BARD1: variants seen among roughly 807,000 people sequenced by gnomAD.
BARD1 encodes BRCA1-associated RING domain protein 1.
Under a neutral mutation model 77.0 loss-of-function variants are expected in BARD1, and 73 were observed. The ratio of observed to expected loss-of-function variants is 0.95; its 90% CI spans 0.79 to 1.15. The LOEUF (loss-of-function observed/expected upper bound fraction) is 1.15. Among genes scored for constraint, BARD1 ranks in the 50% most tolerant of loss-of-function variants. The pLI, the probability that BARD1 is intolerant of heterozygous loss-of-function variation, is 0.00. For synonymous variants in BARD1, 384 were observed against 338.0 expected (o/e 1.14, Z -1.49); for missense variants, 993 against 938.8 (o/e 1.06, Z -0.75).
intron 5 of BARD1, among the ~76,000 whole-genome samples, chr2:214,768,158 C>A (rs1329655340): frequency 6.6e-6 from 1 of 152,138 alleles, no homozygotes; most frequent in East Asian, 1.9e-4. Context: ...AGTAGGAATA[C>A]AAAAAGAGCT....
chr2:214,751,144 TATATA>T (rs1559393254), intron 7 of BARD1, among the ~76,000 whole-genome samples: 73 of 45,184 alleles, frequency 1.6e-3, no homozygotes, highest in South Asian at 3.7e-3. Flanking sequence ...TATATATATA[TATATA>T]TATTTTTTTT....
chr2:214,799,027 G>GA (rs1370551991), intron 1 of BARD1, among the ~76,000 whole-genome samples: 1 of 152,182 alleles, frequency 6.6e-6, no homozygotes, highest in Non-Finnish European at 1.5e-5. Context: ...TGAGGCACAA[G>GA]AATCACTTGA....
intron 1 of BARD1, among the ~76,000 whole-genome samples, chr2:214,807,808 T>C (rs1399458217): frequency 6.6e-6 from 1 of 152,234 alleles, no homozygotes; most frequent in Non-Finnish European, 1.5e-5. Context: ...CTGACCACAG[T>C]CTAAGTGAAG....
intron 6 of BARD1, among the ~76,000 whole-genome samples, chr2:214,758,313 A>C (rs188753887): frequency 2.3e-4 from 35 of 152,342 alleles, no homozygotes; most frequent in Admixed American, 2.3e-3. Context: ...TTGTTGCCAG[A>C]ATCAAATGAA....
chr2:214,752,735 T>C lies in BARD1; in HGVS notation c.1569-180A>G, dbSNP rs529706942. On this transcript the variant is annotated intron_variant, in intron 6 of 10. Coordinates refer to ENST00000260947, the MANE Select transcript of BARD1 (RefSeq NM_000465.4). ...AGGAGAAATGATGTAAAATTTCAGT[T>C]TGACATCAGATTATAGGGATTGTTT... is the stretch of plus-strand genomic sequence containing the variant. Among the ~76,000 whole-genome samples the C allele has an allele frequency of 1.4e-4, 22 of 152,306 alleles. 2 individuals are homozygous for C. The South Asian group carries it at 3.1e-3, about 22-fold the overall frequency.
At chr2:214,733,417 T>G (rs1692441673) in intron 9 of BARD1, among the ~76,000 whole-genome samples, 1 of 149,856 alleles carries the variant, frequency 6.7e-6, no homozygotes. Flanking sequence ...AATAATTTTG[T>G]GCATAAAGTT....
Position 214,768,881 on chromosome 2 carries a change from C to T in BARD1, c.1395+351G>A, listed in dbSNP as rs1574791897. Among the ~76,000 whole-genome samples, 3 of 152,314 alleles carry T rather than the reference C, an allele frequency of 2.0e-5. No individual in the cohort carries two copies. In the East Asian group the frequency reaches 5.8e-4, roughly 29 times the overall value. ...GTGATCACTTTCCTATACTCAGTTC[C>T]TCCGACCTCTTTTTGTTCCAAGAAA... On this transcript the variant is annotated intron_variant, in intron 5 of 10. Transcript: ENST00000260947.
chr2:214,769,964 A>G (rs1053680670), intron 4 of BARD1, among the ~76,000 whole-genome samples: 1 of 152,222 alleles, frequency 6.6e-6, no homozygotes, highest in Admixed American at 6.5e-5. Context: ...GCATTTGTAA[A>G]TGGCTTCTGA....
At chr2:214,803,242 T>G (rs1007975241) in intron 1 of BARD1, among the ~76,000 whole-genome samples, 5 of 151,940 alleles carry the variant, frequency 3.3e-5, no homozygotes, top group African/African-American at 9.7e-5. Flanking sequence ...CCCCATGTGA[T>G]AGTCTGAAAT....
chr2:214,775,944 C>T (rs767426341), intron 4 of BARD1, among the ~76,000 whole-genome samples: 9 of 152,218 alleles, frequency 5.9e-5, no homozygotes. Context: ...CACAATATAA[C>T]ATGACTGTCT....
intron 4 of BARD1, among the ~76,000 whole-genome samples, chr2:214,778,884 T>C (rs1180448127): frequency 6.6e-6 from 1 of 152,186 alleles, no homozygotes; most frequent in East Asian, 1.9e-4. Context: ...TATAAGTAAA[T>C]GCTTGCCTGA....
At position 214,728,735 on chromosome 2, in the gene BARD1, G is replaced by T; in HGVS notation, c.2275C>A (p.Pro759Thr). The change falls in exon 11 of 11, where the codon CCT becomes ACT. Residue 759 changes from proline (P) to threonine (T), a missense_variant. Coordinates refer to ENST00000260947, the MANE Select transcript of BARD1 (RefSeq NM_000465.4). ...RVRQGKVWKA[P>T]SSWFIDCVMS... is the part of the protein sequence containing the mutation. ...ACACAGTCTATAAACCAGCTCGAAGGAGCCTTCCAGACTTTGCCCTGCCGA... is the reference window on the plus strand; with the variant it reads ...ACACAGTCTATAAACCAGCTCGAAGTAGCCTTCCAGACTTTGCCCTGCCGA... 6.2e-7 allele frequency: 1 copy of T among 1,614,164 alleles called. No homozygotes were observed. Among genetic ancestry groups the T allele is most frequent in the Non-Finnish European group, 8.5e-7 (1 of 1,180,022 alleles).
At chr2:214,740,606 A>G (rs1343584687) in intron 9 of BARD1, among the ~76,000 whole-genome samples, 1 of 152,028 alleles carries the variant, frequency 6.6e-6, no homozygotes, top group African/African-American at 2.4e-5. Flanking sequence ...TCTATTTTTC[A>G]TAATCTTTTA....
At chr2:214,788,910 C>CTT (rs1195493152) in intron 3 of BARD1, among the ~76,000 whole-genome samples, 1 of 151,904 alleles carries the variant, frequency 6.6e-6, no homozygotes, top group Non-Finnish European at 1.5e-5. Context: ...AATAGACAAA[C>CTT]TATAAAGAAA....
chr2:214,738,714 T>C (rs1415655852), intron 9 of BARD1, among the ~76,000 whole-genome samples: 1 of 152,024 alleles, frequency 6.6e-6, no homozygotes, highest in Non-Finnish European at 1.5e-5. Flanking sequence ...GAGAATACAA[T>C]GAAGATGGAA....
chr2:214,792,920 C>G (rs1313551261), intron 2 of BARD1, among the ~76,000 whole-genome samples: 7 of 152,120 alleles, frequency 4.6e-5, no homozygotes, highest in Non-Finnish European at 1.0e-4. Context: ...ATTTTAAAAC[C>G]TGTAGACTCA....
At position 214,805,181 on chromosome 2, in the gene BARD1, A is replaced by G. The variant is rs147407549; in HGVS notation, c.158+4231T>C. 2.0e-5 allele frequency among the ~76,000 whole-genome samples: 3 copies of G among 152,262 alleles called. No homozygotes were observed. The East Asian group carries it at 5.8e-4, about 29-fold the overall frequency. ...GTCTCAGAAAAAAGAAAATCTATTC[A>G]TATTTCAATTTAAAAGCCCATGAAG... On this transcript the variant is annotated intron_variant, in intron 1 of 10. Transcript: ENST00000260947.
At chr2:214,764,541 T>C (rs1198495147) in intron 6 of BARD1, among the ~76,000 whole-genome samples, 1 of 151,908 alleles carries the variant, frequency 6.6e-6, no homozygotes, top group Non-Finnish European at 1.5e-5. Context: ...GTGCAAAAAA[T>C]GCTTGAAGGA....
chr2:214,792,168 AC>A, intron 3 of BARD1, 128 bp downstream of exon 3: 2 of 943,034 alleles, frequency 2.1e-6, no homozygotes, highest in Admixed American at 3.3e-5. Flanking sequence ...AAAAAAAAAA[AC>A]CTACAGATTT....
Sources: allele counts gnomAD v4.1 joint callset (sites outside exome capture counted in the v4.1 genomes callset), GRCh38; gene constraint gnomAD v4.1.1; transcripts MANE v1.5; gene names NCBI Gene and HGNC (gene_info 2026-07-23, HGNC 2026-07-21).